Variants in MCF2L2 observed in about 807,000 individuals in gnomAD.
MCF2L2 encodes the protein MCF.2 cell line derived transforming sequence-like 2.
Under a neutral mutation model 150.2 loss-of-function variants are expected in MCF2L2, and 102 were observed. The ratio of observed to expected loss-of-function variants is 0.68; its 90% confidence interval spans 0.58 to 0.80. MCF2L2 has a LOEUF of 0.80. MCF2L2 is among the 30% of genes least tolerant of loss of function. The pLI is 0.00. For synonymous variants in MCF2L2, 465 were observed against 491.3 expected (o/e 0.95, Z 0.71); for missense variants, 1,256 against 1,372.8 (o/e 0.91, Z 1.34).
intron 10 of MCF2L2, among the ~76,000 whole-genome samples, chr3:183,307,136 G>C (rs1289142467): frequency 6.6e-6 from 1 of 152,226 alleles, no homozygotes; most frequent in African/African-American, 2.4e-5. Flanking sequence ...TGATGTCACT[G>C]TGTGGAATAA....
intron 20 of MCF2L2, among the ~76,000 whole-genome samples, chr3:183,221,334 T>G (rs990263761): frequency 3.3e-5 from 5 of 152,190 alleles, no homozygotes; most frequent in Non-Finnish European, 7.3e-5. Flanking sequence ...ATTATCTCAT[T>G]TAATGCTCCC....
At chr3:183,223,978 C>G (rs1723253132) in intron 19 of MCF2L2, 120 bp downstream of exon 19, 1 of 761,156 alleles carries the variant, frequency 1.3e-6, no homozygotes, top group South Asian at 1.5e-5. Context: ...AAGTATGGGA[C>G]ACTTTAAATA....
At position 183,227,573 on chromosome 3, in the gene MCF2L2, C is replaced by T. The variant is rs898350824; in HGVS notation, c.2115+724G>A. The T allele has an allele frequency of 2.6e-5, 4 of 152,236 alleles. No homozygotes were observed. Among genetic ancestry groups the T allele is most frequent in the South Asian group, 2.1e-4 (1 of 4,832 alleles). The allele number at this position is 152,236 out of a possible 1,614,324, so 9.4% of individuals were successfully genotyped here. On this transcript the variant is annotated intron_variant, in intron 18 of 29. Transcript: ENST00000328913. This position sits in a 1 kb window ranked among gnomAD's most constrained non-coding sequence, Gnocchi z 4.0. ...ATTAGTACAGCTTTATTGTGGGACTCTAACCTCGCTGTATGATTCTTGTTT... is the reference window on the plus strand; with the variant it reads ...ATTAGTACAGCTTTATTGTGGGACTTTAACCTCGCTGTATGATTCTTGTTT...
intron 5 of MCF2L2, among the ~76,000 whole-genome samples, chr3:183,329,870 C>G (rs531473341): frequency 1.3e-5 from 2 of 152,284 alleles, no homozygotes; most frequent in Admixed American, 1.3e-4. Context: ...GCCTGTACAG[C>G]ATGTTACTGT....
rs1215140069 is a variant in MCF2L2, at chr3:183,195,270, A to C, written c.2885-15T>G. On this transcript the variant is annotated splice_polypyrimidine_tract_variant and intron_variant, in intron 25 of 29. Transcript: ENST00000328913. ...ATTTCCTTGGTCTAAAATTTTAAAAAACAAAAAACAGCACTCTCAAATTTA... is the reference window on the plus strand; with the variant it reads ...ATTTCCTTGGTCTAAAATTTTAAAACACAAAAAACAGCACTCTCAAATTTA... 2.5e-6 allele frequency: 4 copies of C among 1,595,210 alleles called. No individual in the cohort carries two copies. The highest frequency in any genetic ancestry group is 3.5e-5 in the Admixed American group (2 of 56,786).
chr3:183,249,458 A>G lies in MCF2L2; in HGVS notation c.1863-18441T>C, dbSNP rs183194112. Among the ~76,000 whole-genome samples, 8 of 152,332 alleles carry G rather than the reference A, an allele frequency of 5.3e-5. No individual in the cohort carries two copies. The East Asian group carries it at 1.5e-3, about 29-fold the overall frequency. ...GGCCCCACTGAGTGTCAGATGGCACATAAGAGATTTCCTTATGCGTTGGTG... is the reference window on the plus strand; with the variant it reads ...GGCCCCACTGAGTGTCAGATGGCACGTAAGAGATTTCCTTATGCGTTGGTG... On this transcript the variant is annotated intron_variant, in intron 15 of 29. Coordinates refer to ENST00000328913, the MANE Select transcript of MCF2L2 (RefSeq NM_015078.4).
rs760491067 is a variant in MCF2L2, at chr3:183,270,169, A to G, written c.1862+6703T>C. On this transcript the variant is annotated intron_variant, in intron 15 of 29. Coordinates refer to ENST00000328913, the MANE Select transcript of MCF2L2 (RefSeq NM_015078.4). This position sits in a 1 kb window ranked among gnomAD's most constrained non-coding sequence, Gnocchi z 4.5. ...TATGTTCGGTCTCAGCTGAATGCCA[A>G]CATCAAAACTCTGTTTGCCTTAGGA... 8.1e-6 allele frequency: 13 copies of G among 1,614,050 alleles called. No individual in the cohort carries two copies. Among genetic ancestry groups the G allele is most frequent in the African/African-American group, 2.7e-5 (2 of 74,926 alleles).
chr3:183,379,063 T>C (rs1713362314), intron 3 of MCF2L2: 1 of 456,988 alleles, frequency 2.2e-6, no homozygotes, highest in Non-Finnish European at 3.8e-6. Flanking sequence ...CCATGTTTAC[T>C]CTGTCCCTCC....
intron 27 of MCF2L2, 103 bp from the exon 28 acceptor site, chr3:183,180,262 T>C (rs1721472985): frequency 2.7e-6 from 2 of 744,572 alleles, no homozygotes; most frequent in South Asian, 3.1e-5. Context: ...GGCACGGTCC[T>C]CCCCATCTCT....
intron 13 of MCF2L2, among the ~76,000 whole-genome samples, chr3:183,294,785 C>G (rs567728411): frequency 2.5e-4 from 37 of 150,902 alleles, no homozygotes; most frequent in Non-Finnish European, 4.9e-4. Flanking sequence ...CCCACCACCA[C>G]GCCTGGCTAA....
At chr3:183,379,541 A>G (rs895208523) in intron 2 of MCF2L2, 130 bp from the exon 3 acceptor site, 28 of 653,264 alleles carry the variant, frequency 4.3e-5, no homozygotes, top group Non-Finnish European at 7.6e-5. Context: ...AATTTGGGAG[A>G]AGTTAACACA....
intron 21 of MCF2L2, among the ~76,000 whole-genome samples, chr3:183,219,576 A>C (rs1046862980): frequency 1.3e-5 from 2 of 151,408 alleles, no homozygotes; most frequent in African/African-American, 2.4e-5. Context: ...GCACCATTGC[A>C]CTCCAGCCTG....
chr3:183,195,464 G>A (rs574030308), intron 25 of MCF2L2, among the ~76,000 whole-genome samples: 2 of 152,158 alleles, frequency 1.3e-5, no homozygotes, highest in South Asian at 4.1e-4. Flanking sequence ...CCTCCCCAAC[G>A]TCTCTACCCC....
chr3:183,206,035 A>T (rs1722458032), intron 24 of MCF2L2, 81 bp from the exon 25 acceptor site: 1 of 1,550,082 alleles, frequency 6.5e-7, no homozygotes, highest in Admixed American at 1.7e-5. Flanking sequence ...TGACCGTTAG[A>T]CTAATGAGAT....
At chr3:183,211,062 A>G (rs1722701318) in intron 22 of MCF2L2, among the ~76,000 whole-genome samples, 2 of 152,184 alleles carry the variant, frequency 1.3e-5, no homozygotes, top group Admixed American at 1.3e-4. Context: ...AGGAAACAGA[A>G]CTATGAAGAA....
At chr3:183,350,038 G>GCCAGC (rs1731051154) in intron 3 of MCF2L2, among the ~76,000 whole-genome samples, 1 of 152,044 alleles carries the variant, frequency 6.6e-6, no homozygotes, top group Admixed American at 6.6e-5. Flanking sequence ...GGCATATATG[G>GCCAGC]TCTCCCCGGC....
rs1722121635 is a variant in MCF2L2, at chr3:183,197,689, A to C, written c.2885-2434T>G. 6.6e-6 allele frequency among the ~76,000 whole-genome samples: 1 copy of C among 152,224 alleles called. No homozygotes were observed. Among genetic ancestry groups the C allele is most frequent in the South Asian group, 2.1e-4 (1 of 4,838 alleles). On this transcript the variant is annotated intron_variant, in intron 25 of 29. Coordinates refer to ENST00000328913, the MANE Select transcript of MCF2L2 (RefSeq NM_015078.4). The surrounding 1 kb of genome is among the most constrained non-coding windows in gnomAD (Gnocchi z 4.5). ...AAAAGATGCCACACACTAGAAGAAA[A>C]TATTTACAAAGCATTAAAAGGACAT...
chr3:183,201,990 C>A (rs1384905067), intron 25 of MCF2L2, among the ~76,000 whole-genome samples: 7 of 152,122 alleles, frequency 4.6e-5, no homozygotes, highest in Non-Finnish European at 8.8e-5. Context: ...GACTAATGAG[C>A]TTTTTAACTT....
At chr3:183,408,604 A>G (rs113130739) in intron 1 of MCF2L2, among the ~76,000 whole-genome samples, 7 of 152,318 alleles carry the variant, frequency 4.6e-5, no homozygotes, top group Middle Eastern at 3.4e-3. Flanking sequence ...ATTGGGGATT[A>G]AAGAGGAGAA....
Sources: gnomAD v4.1 joint callset for allele counts (sites outside exome capture counted in the v4.1 genomes callset) on GRCh38, gnomAD v4.1.1 for gene constraint, Gnocchi (gnomAD v3.1) non-coding constraint, MANE v1.5 for transcripts, NCBI Gene and HGNC (gene_info 2026-07-23, HGNC 2026-07-21) for gene names.